HS3ST3B1: variants seen among roughly 807,000 people sequenced by gnomAD.
HS3ST3B1 encodes heparan sulfate glucosamine 3-O-sulfotransferase 3B1.
In HS3ST3B1, 13 loss-of-function variants were observed where a neutral mutation model predicts 21.3. The observed-to-expected ratio is 0.61, with a 90% CI of 0.40 to 0.97. HS3ST3B1 has a LOEUF of 0.97. Among genes scored for constraint, HS3ST3B1 ranks in the 50% least tolerant of loss-of-function variants. HS3ST3B1 has a pLI of 0.00. For synonymous variants in HS3ST3B1, 234 were observed against 254.8 expected (o/e 0.92, Z 0.78); for missense variants, 459 against 554.8 (o/e 0.83, Z 1.73).
intron 1 of HS3ST3B1, among the ~76,000 whole-genome samples, chr17:14,343,979 C>T (rs1910472965): frequency 6.6e-6 from 1 of 151,974 alleles, no homozygotes; most frequent in Non-Finnish European, 1.5e-5. Context: ...TCACTGCAAC[C>T]TCTGCCTCCC....
chr17:14,322,569 CTG>C (rs1355712170), intron 1 of HS3ST3B1, among the ~76,000 whole-genome samples: 1 of 152,156 alleles, frequency 6.6e-6, no homozygotes, highest in African/African-American at 2.4e-5. Flanking sequence ...CTTCACAAAA[CTG>C]TGCCGACTCA....
chr17:14,318,427 T>C (rs751462240), intron 1 of HS3ST3B1, among the ~76,000 whole-genome samples: 10 of 152,200 alleles, frequency 6.6e-5, no homozygotes, highest in Non-Finnish European at 1.3e-4. Flanking sequence ...TGTCTCAGAA[T>C]TGCAAGCAGT....
chr17:14,347,854 C>A lies in HS3ST3B1; in HGVS notation c.*2208C>A, dbSNP rs1910622698. ...ACTGTCTCCAGAAAGTAGTGTGGGA[C>A]CTGCACTTAGGGGAATACCAGAATC... On this transcript the variant is annotated 3_prime_UTR_variant, in exon 2 of 2. Coordinates refer to ENST00000360954, the MANE Select transcript of HS3ST3B1 (RefSeq NM_006041.3). The A allele has an allele frequency of 6.6e-6, 1 of 152,132 alleles. No homozygotes were observed. The allele number at this position is 152,132 out of a possible 1,614,324, so 9.4% of individuals were successfully genotyped here.
rs140530115 is a variant in HS3ST3B1 at position 14,313,733 on chromosome 17, G to C, written c.554+11661G>C. Among the ~76,000 whole-genome samples the C allele has an allele frequency of 4.4e-4, 67 of 151,820 alleles. 1 individual carries two copies. In the East Asian group the frequency reaches 0.012, roughly 28 times the overall value. On this transcript the variant is annotated intron_variant, in intron 1 of 1. Transcript: ENST00000360954. ...TTACAGGCATGCGCCACCACACACGGCTAATTTTGTATTTTTAGTAGAGGC... is the reference window on the plus strand; with the variant it reads ...TTACAGGCATGCGCCACCACACACGCCTAATTTTGTATTTTTAGTAGAGGC...
At position 14,306,285 on chromosome 17, in the gene HS3ST3B1, T is replaced by C. The variant is rs575506411; in HGVS notation, c.554+4213T>C. Among the ~76,000 whole-genome samples the C allele has an allele frequency of 4.2e-4, 64 of 152,182 alleles. 1 individual carries two copies. The highest frequency in any genetic ancestry group is 1.4e-3 in the African/African-American group (58 of 41,500). The stretch of plus-strand genomic sequence containing the variant: ...CAAAGGACAGTTAGAATCAAGGGAG[T>C]CACTGACATGGCAAAAAATCCCTCA... On this transcript the variant is annotated intron_variant, in intron 1 of 1. Coordinates refer to ENST00000360954, the MANE Select transcript of HS3ST3B1 (RefSeq NM_006041.3).
intron 1 of HS3ST3B1, among the ~76,000 whole-genome samples, chr17:14,326,050 C>T (rs1039274306): frequency 3.3e-5 from 5 of 151,632 alleles, no homozygotes; most frequent in South Asian, 2.1e-4. Flanking sequence ...CACGTGTGTG[C>T]GTGTGTGTGT....
At chr17:14,313,935 A>ACATT (rs1299675052) in intron 1 of HS3ST3B1, among the ~76,000 whole-genome samples, 1 of 151,900 alleles carries the variant, frequency 6.6e-6, no homozygotes, top group African/African-American at 2.4e-5. Context: ...GAAATCTCAG[A>ACATT]CATTATATTG....
chr17:14,318,732 G>C (rs945063436), intron 1 of HS3ST3B1, among the ~76,000 whole-genome samples: 2 of 152,160 alleles, frequency 1.3e-5, no homozygotes, highest in African/African-American at 4.8e-5. Flanking sequence ...TGCCCTGACT[G>C]TGTCTCCTTC....
rs768175448 is a variant in HS3ST3B1 at position 14,345,636 on chromosome 17, G to T, written c.1163G>T (p.Gly388Val). 10 of 1,613,766 alleles carry T rather than the reference G, an allele frequency of 6.2e-6. No homozygotes were observed. The highest frequency in any genetic ancestry group is 1.3e-5 in the African/African-American group (1 of 75,064). Reference sequence around the variant, plus strand: ...TACCAGATGACCGGGCACGACTTTGGCTGGGATTGAGCAGACCCGGGCTAT... The same window carrying T: ...TACCAGATGACCGGGCACGACTTTGTCTGGGATTGAGCAGACCCGGGCTAT... Reference protein sequence around the residue: ...KFYQMTGHDFGWD With the variant: ...KFYQMTGHDFVWD Residue 388 changes from glycine to valine, a missense_variant, in exon 2 of 2, where the codon GGC becomes GTC. Gly to Val is a moderately radical substitution (Grantham distance 109). Coordinates refer to ENST00000360954, the MANE Select transcript of HS3ST3B1 (RefSeq NM_006041.3).
rs2142359661 is a variant in HS3ST3B1 at position 14,347,670 on chromosome 17, G to A, written c.*2024G>A. 6.6e-6 allele frequency: 1 copy of A among 152,328 alleles called. No individual in the cohort carries two copies. Among genetic ancestry groups the A allele is most frequent in the South Asian group, 2.1e-4 (1 of 4,826 alleles). The allele number at this position is 152,328 out of a possible 1,614,324, so 9.4% of individuals were successfully genotyped here. A position where few individuals can be genotyped will look rare whatever the true frequency, so the allele number is the denominator to read the frequency against. On this transcript the variant is annotated 3_prime_UTR_variant, in exon 2 of 2. Coordinates refer to ENST00000360954, the MANE Select transcript of HS3ST3B1 (RefSeq NM_006041.3). ...AAGTGATGTCTTGAAAATCCAGTAT[G>A]TATTTGCCCAAAAGTTTTAGCCTAC...
chr17:14,330,390 G>A (rs2142343800), intron 1 of HS3ST3B1, among the ~76,000 whole-genome samples: 1 of 152,180 alleles, frequency 6.6e-6, no homozygotes, highest in East Asian at 1.9e-4. Flanking sequence ...TTTACACGCG[G>A]AGAACTGAGC....
chr17:14,321,124 G>A (rs1909645957), intron 1 of HS3ST3B1, among the ~76,000 whole-genome samples: 1 of 152,160 alleles, frequency 6.6e-6, no homozygotes, highest in Non-Finnish European at 1.5e-5. Context: ...ATGGAGTTTG[G>A]GCAAGCATTT....
intron 1 of HS3ST3B1, among the ~76,000 whole-genome samples, chr17:14,321,427 G>A (rs1909654722): frequency 6.6e-6 from 1 of 152,196 alleles, no homozygotes; most frequent in Admixed American, 6.5e-5. Context: ...GATTGAGCTT[G>A]ACTTCTGGCC....
At chr17:14,321,955 TATC>T (rs1016555726) in intron 1 of HS3ST3B1, among the ~76,000 whole-genome samples, 4 of 151,898 alleles carry the variant, frequency 2.6e-5, no homozygotes, top group African/African-American at 4.8e-5. Context: ...TCACCATCAT[TATC>T]ATCATCATTA....
rs1238384358 is a variant in HS3ST3B1, at chr17:14,345,500, A to C, written c.1027A>C (p.Ser343Arg). ...GFPCLKKAEG[S>R]SRPHCLGKTK... ...CCCCTGCCTGAAGAAGGCGGAGGGC[A>C]GCAGCCGGCCCCATTGCCTGGGCAA... The change falls in exon 2 of 2, where the codon AGC becomes CGC. Residue 343 changes from serine (S) to arginine (R), a missense_variant. Physicochemically the swap from Ser to Arg is moderately radical, Grantham distance 110. Transcript: ENST00000360954. The C allele has an allele frequency of 5.1e-6, 8 of 1,583,090 alleles. No homozygotes were observed. The South Asian group carries it at 8.9e-5, about 18-fold the overall frequency.
chr17:14,321,458 T>C (rs1210234941), intron 1 of HS3ST3B1, among the ~76,000 whole-genome samples: 1 of 152,182 alleles, frequency 6.6e-6, no homozygotes, highest in East Asian at 1.9e-4. Context: ...TAGGATCAGC[T>C]CTCTTTTCCA....
intron 1 of HS3ST3B1, 43 bp downstream of exon 1, chr17:14,302,115 G>A: frequency 6.5e-7 from 1 of 1,546,604 alleles, no homozygotes; most frequent in Non-Finnish European, 8.7e-7. Context: ...CGTCGATTCA[G>A]ACCCTGAGCT....
At chr17:14,307,410 G>GA (rs11383288) in intron 1 of HS3ST3B1, among the ~76,000 whole-genome samples, 43,104 of 141,006 alleles carry the variant, frequency 0.31, 6,299 homozygotes, top group Admixed American at 0.4. Flanking sequence ...GTTTTAGTCT[G>GA]AAAAAAAAAA....
chr17:14,340,505 A>C (rs1910341599), intron 1 of HS3ST3B1, among the ~76,000 whole-genome samples: 1 of 152,152 alleles, frequency 6.6e-6, no homozygotes, highest in Admixed American at 6.5e-5. Flanking sequence ...ACTCCACTGC[A>C]GTGGGTCTCT....
Sources: allele counts gnomAD v4.1 joint callset (sites outside exome capture counted in the v4.1 genomes callset), GRCh38; gene constraint gnomAD v4.1.1; transcripts MANE v1.5; gene names NCBI Gene and HGNC (gene_info 2026-07-23, HGNC 2026-07-21).